Variants in SBF2 observed in about 807,000 individuals in gnomAD.
SBF2 encodes SET binding factor 2, also known as myotubularin-related protein 13.
SBF2 carries 112 observed loss-of-function variants against 225.2 expected under a neutral mutation model. That is an observed-to-expected ratio of 0.50 (90% CI 0.43 to 0.58). SBF2 has a LOEUF of 0.58. Ranked by LOEUF, SBF2 falls within the 20% of genes least tolerant of loss-of-function variation. The pLI is 0.00. For missense variants in SBF2, 1,996 were observed against 2,206.2 expected, an observed-to-expected ratio of 0.90 and a Z score of 1.91; for synonymous variants, 763 against 773.3, an observed-to-expected ratio of 0.99 and a Z score of 0.22.
At position 10,016,707 on chromosome 11, in the gene SBF2, C is replaced by T. The variant is rs190860443; in HGVS notation, c.619+11745G>A. 1,255 of 152,134 alleles carry T rather than the reference C, an allele frequency of 8.2e-3. 7 individuals are homozygous for T. Among genetic ancestry groups the T allele is most frequent in the South Asian group, 0.026 (126 of 4,806 alleles). The allele number at this position is 152,134 out of a possible 1,614,324, so 9.4% of individuals were successfully genotyped here. The stretch of plus-strand genomic sequence containing the variant: ...TTCACCGTGTTAGCCAGGATGGTCT[C>T]GATCTCCTGACCTCGTGAGCTGCCC... On this transcript the variant is annotated intron_variant, in intron 6 of 39. Transcript: ENST00000256190.
intron 16 of SBF2, 105 bp downstream of exon 16, chr11:9,961,852 G>A: frequency 1.0e-6 from 1 of 985,038 alleles, no homozygotes; most frequent in Non-Finnish European, 1.5e-6. Context: ...CATCCTATTA[G>A]CTGTGGTAGG....
chr11:9,850,659 T>C (rs532233397), intron 21 of SBF2, among the ~76,000 whole-genome samples: 1 of 152,334 alleles, frequency 6.6e-6, no homozygotes, highest in Non-Finnish European at 1.5e-5. Context: ...GATAGTCACA[T>C]GAGAAACCTG....
At chr11:9,953,889 C>T (rs1333287870) in intron 16 of SBF2, among the ~76,000 whole-genome samples, 5 of 152,026 alleles carry the variant, frequency 3.3e-5, no homozygotes, top group Non-Finnish European at 7.4e-5. Context: ...TAATGCTGGA[C>T]ATAGAAGACT....
chr11:9,856,683 G>A lies in SBF2; in HGVS notation c.2138C>T (p.Ala713Val), dbSNP rs778686587. The change falls in exon 19 of 40, where the codon GCA becomes GTA. Residue 713 changes from alanine to valine, a missense_variant. By Grantham distance (64) the Ala-to-Val change is moderately conservative (BLOSUM62 0). Coordinates refer to ENST00000256190, the MANE Select transcript of SBF2 (RefSeq NM_030962.4). ...LPDDHYQEKT[A>V]MDLAAEQLRL... is the part of the protein sequence containing the mutation. ...TAGTTGCTCAGCTGCCAGGTCCATT[G>A]CTGTCTTCTCCTGATAATGGTCATC... The A allele has an allele frequency of 1.2e-6, 2 of 1,614,006 alleles. No individual in the cohort carries two copies.
At chr11:10,159,495 C>A (rs1397063523) in intron 2 of SBF2, among the ~76,000 whole-genome samples, 1 of 152,110 alleles carries the variant, frequency 6.6e-6, no homozygotes, top group African/African-American at 2.4e-5. Context: ...GATCTTGTGG[C>A]CCCCACCCAG....
chr11:9,999,101 A>G (rs1050759902), intron 8 of SBF2, among the ~76,000 whole-genome samples: 2 of 152,180 alleles, frequency 1.3e-5, no homozygotes, highest in African/African-American at 4.8e-5. Flanking sequence ...AACTTACATA[A>G]AAGTGTAAGA....
chr11:9,947,597 A>C (rs1865636407), intron 16 of SBF2, among the ~76,000 whole-genome samples: 1 of 152,116 alleles, frequency 6.6e-6, no homozygotes, highest in Non-Finnish European at 1.5e-5. Context: ...TTGTGATTGG[A>C]AGGTGGAAGT....
chr11:9,884,349 C>T (rs962734903), intron 17 of SBF2, among the ~76,000 whole-genome samples: 1 of 151,558 alleles, frequency 6.6e-6, no homozygotes, highest in Admixed American at 6.6e-5. Flanking sequence ...GTTTTTGAGT[C>T]TGATCATTTA....
At chr11:10,254,900 CAAAAAAAAAAAAAAAAAAAAAAA>C (rs71034757) in intron 1 of SBF2, among the ~76,000 whole-genome samples, 726 of 44,094 alleles carry the variant, frequency 0.016, 29 homozygotes, top group African/African-American at 0.063. Flanking sequence ...GACTCTGTCT[CAAAAAAAAAAAAAAAAAAAAAAA>C]AAAAAAAAAA....
intron 6 of SBF2, among the ~76,000 whole-genome samples, chr11:10,024,492 A>G (rs1429530236): frequency 6.6e-6 from 1 of 152,158 alleles, no homozygotes; most frequent in African/African-American, 2.4e-5. Flanking sequence ...GCCAAGGTTG[A>G]TAAGCCTCAA....
chr11:10,233,495 G>C (rs1171688179), intron 1 of SBF2, among the ~76,000 whole-genome samples: 1 of 150,130 alleles, frequency 6.7e-6, no homozygotes, highest in Non-Finnish European at 1.5e-5. Flanking sequence ...AGATCTCTAA[G>C]CTTAAAAGTA....
Position 9,845,617 on chromosome 11 carries a change from T to C in SBF2, c.3058A>G (p.Thr1020Ala). ...FSTFAFAAGQ[T>A]TPQIILPKQK... ...TTTGGTAAAATTATTTGTGGGGTAG[T>C]TTGTCCAGCAGCAAAAGCAAAGGTA... The change falls in exon 24 of 40, where the codon ACT becomes GCT. Residue 1020 changes from threonine (T) to alanine (A), a missense_variant. By Grantham distance (58) the Thr-to-Ala change is moderately conservative. Coordinates refer to ENST00000256190, the MANE Select transcript of SBF2 (RefSeq NM_030962.4). 6.2e-7 allele frequency: 1 copy of C among 1,613,986 alleles called. No individual in the cohort carries two copies.
At chr11:10,171,835 C>T (rs1381231887) in intron 2 of SBF2, among the ~76,000 whole-genome samples, 1 of 152,070 alleles carries the variant, frequency 6.6e-6, no homozygotes, top group Non-Finnish European at 1.5e-5. Context: ...TGTTATTGGT[C>T]TGTTCAGGTT....
At chr11:10,220,129 G>A (rs1260071798) in intron 1 of SBF2, among the ~76,000 whole-genome samples, 1 of 152,170 alleles carries the variant, frequency 6.6e-6, no homozygotes, top group African/African-American at 2.4e-5. Context: ...ACATGGCTCA[G>A]GAGGCCTCAC....
chr11:10,102,445 C>T (rs1342678031), intron 2 of SBF2, among the ~76,000 whole-genome samples: 2 of 152,128 alleles, frequency 1.3e-5, no homozygotes, highest in Non-Finnish European at 2.9e-5. Flanking sequence ...GCTTGACATA[C>T]AAGGTTGCAA....
chr11:10,071,253 TTC>T (rs200926915), intron 2 of SBF2, among the ~76,000 whole-genome samples: 13,549 of 134,774 alleles, frequency 0.1, 1,101 homozygotes, highest in Non-Finnish European at 0.12. Context: ...TTCTCTTTTT[TTC>T]TCTCTCTCTC....
intron 16 of SBF2, among the ~76,000 whole-genome samples, chr11:9,935,227 C>T (rs1035513973): frequency 8.6e-5 from 13 of 152,018 alleles, no homozygotes; most frequent in African/African-American, 3.1e-4. Flanking sequence ...GAATAAAATA[C>T]CTAGGAATCC....
chr11:10,098,634 G>T (rs933833955), intron 2 of SBF2, among the ~76,000 whole-genome samples: 4 of 141,852 alleles, frequency 2.8e-5, no homozygotes, highest in African/African-American at 1.1e-4. Context: ...GATGCAACCA[G>T]AAAAACAATA....
chr11:10,004,898 C>T lies in SBF2; in HGVS notation c.620-2209G>A, dbSNP rs558888413. Among the ~76,000 whole-genome samples, 30 of 152,244 alleles carry T rather than the reference C, an allele frequency of 2.0e-4. No homozygotes were observed. In the South Asian group the frequency reaches 3.3e-3, roughly 17 times the overall value. ...CCCCCTCCCCTGCTTTGAGCTGTCC[C>T]GTCTTTCCAGACCCAACCAATGTAC... On this transcript the variant is annotated intron_variant, in intron 6 of 39. Coordinates refer to ENST00000256190, the MANE Select transcript of SBF2 (RefSeq NM_030962.4).
Sources: gnomAD v4.1 joint callset for allele counts (sites outside exome capture counted in the v4.1 genomes callset) on GRCh38, gnomAD v4.1.1 for gene constraint, MANE v1.5 for transcripts, NCBI Gene and HGNC (gene_info 2026-07-23, HGNC 2026-07-21) for gene names.